AP1B1: variants seen among roughly 807,000 people sequenced by gnomAD.
AP1B1 encodes the protein AP-1 complex subunit beta-1.
In AP1B1, 36 loss-of-function variants were observed where a neutral mutation model predicts 104.3. That is an observed-to-expected ratio of 0.35 (90% confidence interval 0.26 to 0.46). AP1B1 has a LOEUF of 0.46. Ranked by LOEUF, AP1B1 falls within the 20% of genes least tolerant of loss-of-function variation. The probability of loss-of-function intolerance (pLI) is 1.00; values close to 1 mark genes in which losing one functional copy is unlikely to be tolerated. For missense variants in AP1B1, 901 were observed against 1,247.9 expected (o/e 0.72, Z 4.19); for synonymous variants, 504 against 517.5 (o/e 0.97, Z 0.35).
intron 19 of AP1B1, among the ~76,000 whole-genome samples, chr22:29,331,139 G>A (rs1318223438): frequency 1.3e-5 from 2 of 152,180 alleles, no homozygotes; most frequent in African/African-American, 4.8e-5. Context: ...CAGAGGAGGG[G>A]GTTACCAGGT....
rs2061727413 is a variant in AP1B1, at chr22:29,342,342, T to C, written c.1479A>G (p.Leu493=). ...GCTCCTGGGTCTCTGTTGGCTTCTT[T>C]AGAAAGAGTTTCACAATGGCTGTCA... ...QLLTAIVKLF[L]KKPTETQELV... is the part of the protein sequence containing the mutation. Residue 493 remains leucine, a synonymous_variant, in exon 12 of 23, where the codon CTA becomes CTG. Coordinates refer to ENST00000357586, the MANE Select transcript of AP1B1 (RefSeq NM_001127.4). 6.2e-7 allele frequency: 1 copy of C among 1,614,144 alleles called. No homozygotes were observed. The highest frequency in any genetic ancestry group is 8.5e-7 in the Non-Finnish European group (1 of 1,180,016).
At chr22:29,368,240 G>C (rs2062174926) in intron 1 of AP1B1, among the ~76,000 whole-genome samples, 1 of 152,108 alleles carries the variant, frequency 6.6e-6, no homozygotes, top group Admixed American at 6.6e-5. Flanking sequence ...TGAGGCTGCA[G>C]TAAGCTGAGA....
At chr22:29,339,905 G>A in intron 14 of AP1B1, 131 bp from the exon 15 acceptor site, 1 of 1,025,530 alleles carries the variant, frequency 9.8e-7, no homozygotes, top group Non-Finnish European at 1.5e-6. Context: ...CCATCCGAGA[G>A]GAGTGTGGTG....
At chr22:29,347,550 C>T (rs886221482) in intron 11 of AP1B1, among the ~76,000 whole-genome samples, 1 of 152,182 alleles carries the variant, frequency 6.6e-6, no homozygotes, top group African/African-American at 2.4e-5. Context: ...ATTACACAAC[C>T]CCAGTTGGGC....
rs1392930092 is a variant in AP1B1 at position 29,340,798 on chromosome 22, G to A, written c.1856C>T (p.Pro619Leu). ...APTGAPPGEQ[P>L]DVIPAQGDLL... ...GTCGCCCTGGGCGGGGATGACATCT[G>A]GCTGCTCCCCAGGAGGTGCTCCAGT... The change falls in exon 14 of 23, where the codon CCA (proline) becomes CTA (leucine). Residue 619 changes from proline to leucine, a missense_variant. Physicochemically the swap from Pro to Leu is moderately conservative, Grantham distance 98. This residue lies in a region of AP1B1 where 424 missense variants were observed against 494.0 expected (regional missense o/e 0.86). Coordinates refer to ENST00000357586, the MANE Select transcript of AP1B1 (RefSeq NM_001127.4). The A allele has an allele frequency of 6.2e-7, 1 of 1,600,798 alleles. No individual in the cohort carries two copies.
Position 29,351,840 on chromosome 22 carries a change from G to A in AP1B1, c.939-15C>T, listed in dbSNP as rs201703426. ...GGATCTCAGGCCTGGTGGTGGGGCA[G>A]GATGCCCGGAGAGCAAAAAACAAGG... On this transcript the variant is annotated splice_polypyrimidine_tract_variant and intron_variant, in intron 7 of 22. Coordinates refer to ENST00000357586, the MANE Select transcript of AP1B1 (RefSeq NM_001127.4). 16 of 1,613,732 alleles carry A rather than the reference G, an allele frequency of 9.9e-6. No homozygotes were observed. The highest frequency in any genetic ancestry group is 1.3e-5 in the Non-Finnish European group (15 of 1,179,894).
rs71329472 is a variant in AP1B1 at position 29,347,229 on chromosome 22, C to T, written c.1437+1989G>A. ...CATGCTACCCACACTTGCCAGCTAC[C>T]GGAACCAGTTGGTCCCCTTTTTGGC... On this transcript the variant is annotated intron_variant, in intron 11 of 22. Coordinates refer to ENST00000357586, the MANE Select transcript of AP1B1 (RefSeq NM_001127.4). Among the ~76,000 whole-genome samples, 1,168 of 152,272 alleles carry T rather than the reference C, an allele frequency of 7.7e-3. 21 individuals carry two copies. Among genetic ancestry groups the T allele is most frequent in the Admixed American group, 0.037 (560 of 15,304 alleles).
chr22:29,329,188 C>T (rs1313178657), intron 22 of AP1B1: 1 of 1,250,280 alleles, frequency 8.0e-7, no homozygotes, highest in Non-Finnish European at 1.0e-6. Flanking sequence ...GAGTGCCCGG[C>T]CCCCACCCTG....
At chr22:29,336,729 C>T (rs2061643161) in intron 16 of AP1B1, among the ~76,000 whole-genome samples, 1 of 150,606 alleles carries the variant, frequency 6.6e-6, no homozygotes. Context: ...GCTTGAACCC[C>T]GGAGACACAG....
chr22:29,368,367 A>G (rs1024788540), intron 1 of AP1B1, among the ~76,000 whole-genome samples: 1 of 152,150 alleles, frequency 6.6e-6, no homozygotes, highest in African/African-American at 2.4e-5. Context: ...AAATCATTTA[A>G]CAAAAATTTA....
chr22:29,354,920 C>A (rs779786070), intron 6 of AP1B1, 49 bp from the exon 7 acceptor site: 18 of 1,544,108 alleles, frequency 1.2e-5, no homozygotes, highest in Non-Finnish European at 1.5e-5. Context: ...CAAGGGGAAA[C>A]ATTCTGTTTT....
At chr22:29,386,624 A>G (rs1337456957) in intron 1 of AP1B1, among the ~76,000 whole-genome samples, 2 of 152,304 alleles carry the variant, frequency 1.3e-5, no homozygotes, top group Non-Finnish European at 2.9e-5. Flanking sequence ...TGTGAATTCA[A>G]TGGAACTAGG....
chr22:29,341,625 T>C lies in AP1B1; in HGVS notation c.1672A>G (p.Thr558Ala). The change falls in exon 13 of 23, where the codon ACA (threonine) becomes GCA (alanine). Residue 558 changes from threonine to alanine, a missense_variant. Transcript: ENST00000357586. ...TAGCAGATAAGCTCGTCTAACAGTG[T>C]GGGCTCGATGAGGTCCGTCTCTTCA... ...ISEETDLIEPTLLDELICYIG... is the reference protein window; with the variant it reads ...ISEETDLIEPALLDELICYIG... 1 of 1,614,226 alleles carries C rather than the reference T, an allele frequency of 6.2e-7. No individual in the cohort carries two copies. Among genetic ancestry groups the C allele is most frequent in the East Asian group, 2.2e-5 (1 of 44,884 alleles).
chr22:29,329,496 A>T (rs779427281), intron 22 of AP1B1: 15 of 1,404,104 alleles, frequency 1.1e-5, no homozygotes, highest in African/African-American at 1.5e-5. Flanking sequence ...GCAGCAGCCC[A>T]CGGGCCCTCC....
chr22:29,339,655 C>G (rs573331522), intron 15 of AP1B1, 99 bp downstream of exon 15: 2 of 1,311,362 alleles, frequency 1.5e-6, no homozygotes, highest in South Asian at 2.6e-5. Flanking sequence ...CAGGTGGAGG[C>G]TGCTGTGACA....
At position 29,358,762 on chromosome 22, in the gene AP1B1, G is replaced by A; in HGVS notation, c.489C>T (p.Asp163=). Reference sequence around the variant, plus strand: ...AGTCGGAGATGAGGTCTTTAAGGGTGTCCAGGAAGCCCTGGTCCTCCACCA... The same window carrying A: ...AGTCGGAGATGAGGTCTTTAAGGGTATCCAGGAAGCCCTGGTCCTCCACCA... ...AQLVEDQGFL[D]TLKDLISDSN... The change falls in exon 5 of 23, where the codon GAC becomes GAT. Residue 163 remains aspartate (D), a synonymous_variant. Coordinates refer to ENST00000357586, the MANE Select transcript of AP1B1 (RefSeq NM_001127.4). 2 of 1,614,240 alleles carry A rather than the reference G, an allele frequency of 1.2e-6. No homozygotes were observed. The highest frequency in any genetic ancestry group is 4.5e-5 in the East Asian group (2 of 44,890).
At chr22:29,342,993 C>T (rs778952847) in intron 11 of AP1B1, among the ~76,000 whole-genome samples, 7 of 152,198 alleles carry the variant, frequency 4.6e-5, no homozygotes, top group Non-Finnish European at 1.0e-4. Context: ...TCTTCCACCC[C>T]GTCACAGCGC....
Position 29,349,269 on chromosome 22 carries a change from T to A in AP1B1, c.1386A>T (p.Ala462=), listed in dbSNP as rs1317565257. The change falls in exon 11 of 23, where the codon GCA becomes GCT. Residue 462 remains alanine (A), a synonymous_variant. Transcript: ENST00000357586. The part of the protein sequence containing the change: ...VGEYAERIDN[A]DELLESFLEG... ...CGAGGAAGCTCTCCAGCAGCTCATC[T>A]GCGTTGTCGATCCGTTCCGCGTACT... 1 of 1,613,924 alleles carries A rather than the reference T, an allele frequency of 6.2e-7. No homozygotes were observed. Among genetic ancestry groups the A allele is most frequent in the African/African-American group, 1.3e-5 (1 of 74,950 alleles).
At chr22:29,365,933 G>C (rs1410976268) in intron 2 of AP1B1, among the ~76,000 whole-genome samples, 1 of 152,078 alleles carries the variant, frequency 6.6e-6, no homozygotes, top group Non-Finnish European at 1.5e-5. Context: ...GCAACACCAG[G>C]TCAGAGGCTC....
Sources: allele counts gnomAD v4.1 joint callset (sites outside exome capture counted in the v4.1 genomes callset), GRCh38; gene constraint gnomAD v4.1.1; regional missense constraint gnomAD v4.1.1; transcripts MANE v1.5; gene names NCBI Gene and HGNC (gene_info 2026-07-23, HGNC 2026-07-21).